The following SV2B variants were observed in gnomAD, a reference collection of about 807,000 sequenced individuals.
The protein encoded by SV2B is synaptic vesicle glycoprotein 2B, also known as solute carrier family 22 member B2.
Under a neutral mutation model 73.9 loss-of-function variants are expected in SV2B, and 41 were observed. The observed-to-expected ratio is 0.56, with a 90% confidence interval of 0.43 to 0.72. The LOEUF is 0.72. Among genes scored for constraint, SV2B ranks in the 30% least tolerant of loss-of-function variants. SV2B has a pLI of 0.00. For synonymous variants in SV2B, 314 were observed against 314.2 expected, an observed-to-expected ratio of 1.00 and a Z score of 0.01; for missense variants, 764 against 857.8, an observed-to-expected ratio of 0.89 and a Z score of 1.37.
At chr15:91,264,860 A>T (rs758673813) in intron 6 of SV2B, among the ~76,000 whole-genome samples, 14 of 152,150 alleles carry the variant, frequency 9.2e-5, no homozygotes, top group African/African-American at 7.2e-5. Context: ...TTATCCCAGC[A>T]TGCGTGCCAG....
Position 91,141,622 on chromosome 15 carries a change from T to G in SV2B, c.-392+41259T>G, listed in dbSNP as rs1419755932. Among the ~76,000 whole-genome samples, 1 of 152,202 alleles carries G rather than the reference T, an allele frequency of 6.6e-6. No individual in the cohort carries two copies. The highest frequency in any genetic ancestry group is 2.4e-5 in the African/African-American group (1 of 41,448). Reference sequence around the variant, plus strand: ...CTCTTGTGAAGATTAAATGACAGAATATAAGTAAAATGCTTAGCCTATTGC... The same window carrying G: ...CTCTTGTGAAGATTAAATGACAGAAGATAAGTAAAATGCTTAGCCTATTGC... On this transcript the variant is annotated intron_variant, in intron 1 of 12. Transcript: ENST00000394232. The surrounding 1 kb of genome is among the most constrained non-coding windows in gnomAD (Gnocchi z 4.6).
intron 1 of SV2B, among the ~76,000 whole-genome samples, chr15:91,191,197 T>C (rs58276564): frequency 0.43 from 65,030 of 150,832 alleles, 17,343 homozygotes; most frequent in African/African-American, 0.75. Flanking sequence ...TCCTGAGTAG[T>C]TGAGATTACA....
chr15:91,163,609 T>G (rs2043804820), intron 1 of SV2B, among the ~76,000 whole-genome samples: 1 of 152,134 alleles, frequency 6.6e-6, no homozygotes, highest in Non-Finnish European at 1.5e-5. Flanking sequence ...TTTGATGGGG[T>G]TGTTTGATTT....
At chr15:91,178,466 G>A (rs961119783) in intron 1 of SV2B, among the ~76,000 whole-genome samples, 1 of 152,074 alleles carries the variant, frequency 6.6e-6, no homozygotes, top group African/African-American at 2.4e-5. Context: ...CAGAAGGAAT[G>A]GTACCAGTTC....
chr15:91,225,608 T>C (rs2028018), intron 1 of SV2B, among the ~76,000 whole-genome samples: 13,925 of 152,224 alleles, frequency 0.091, 1,231 homozygotes, highest in African/African-American at 0.23. Context: ...TATGTATACA[T>C]GTGCCATGCT....
In SV2B at chr15:91,265,364, A is replaced by G. The variant is rs980264157; in HGVS notation, c.1009-1218A>G. 1.3e-5 allele frequency among the ~76,000 whole-genome samples: 2 copies of G among 152,236 alleles called. No individual in the cohort carries two copies. The highest frequency in any genetic ancestry group is 4.8e-5 in the African/African-American group (2 of 41,468). On this transcript the variant is annotated intron_variant, in intron 6 of 12. Coordinates refer to ENST00000394232, the MANE Select transcript of SV2B (RefSeq NM_001323032.3). The surrounding 1 kb of genome is among the most constrained non-coding windows in gnomAD (Gnocchi z 4.2). The stretch of plus-strand genomic sequence containing the variant: ...GGGAACACAGGCCATATTCTAATTT[A>G]GACTGAATCATAGACAATTGTTCTA...
intron 1 of SV2B, 127 bp from the exon 2 acceptor site, chr15:91,225,746 G>C (rs955427669): frequency 2.6e-5 from 4 of 156,514 alleles, no homozygotes; most frequent in African/African-American, 9.6e-5. Flanking sequence ...TTGAATGTCT[G>C]ATAAGATTTC....
chr15:91,247,863 A>C (rs2047303843), intron 2 of SV2B, among the ~76,000 whole-genome samples: 1 of 152,332 alleles, frequency 6.6e-6, no homozygotes, highest in South Asian at 2.1e-4. Flanking sequence ...TTTGGAGCTG[A>C]GGGACAATAA....
At position 91,205,961 on chromosome 15, in the gene SV2B, T is replaced by A. The variant is rs147172123; in HGVS notation, c.-391-19912T>A. ...ACTTTTCCCCTTGGCATGATACATA[T>A]GGGAGGTCCTGAAATTTTAATATCT... is the stretch of plus-strand genomic sequence containing the variant. On this transcript the variant is annotated intron_variant, in intron 1 of 12. Transcript: ENST00000394232. Among the ~76,000 whole-genome samples, 821 of 152,306 alleles carry A rather than the reference T, an allele frequency of 5.4e-3. 11 individuals are homozygous for A. Among genetic ancestry groups the A allele is most frequent in the South Asian group, 0.023 (111 of 4,822 alleles).
intron 1 of SV2B, among the ~76,000 whole-genome samples, chr15:91,142,319 G>A (rs1318588758): frequency 6.6e-6 from 1 of 152,148 alleles, no homozygotes; most frequent in Admixed American, 6.5e-5. Context: ...CATGCTGTCT[G>A]GGTGTCTGCT....
Position 91,240,836 on chromosome 15 carries a change from G to T in SV2B, c.452-10983G>T, listed in dbSNP as rs1461289818. 2.0e-5 allele frequency among the ~76,000 whole-genome samples: 3 copies of T among 152,084 alleles called. No homozygotes were observed. Among genetic ancestry groups the T allele is most frequent in the South Asian group, 4.1e-4 (2 of 4,822 alleles). On this transcript the variant is annotated intron_variant, in intron 2 of 12. Coordinates refer to ENST00000394232, the MANE Select transcript of SV2B (RefSeq NM_001323032.3). This position sits in a 1 kb window ranked among gnomAD's most constrained non-coding sequence, Gnocchi z 4.6. ...CCTTCTCCTCTGAGGATGTTAATTA[G>T]CCCTGCAGCCTCAGATGAGTGCTCT...
In SV2B at chr15:91,265,375, T is replaced by C. The variant is rs1057222860; in HGVS notation, c.1009-1207T>C. Reference sequence around the variant, plus strand: ...CCATATTCTAATTTAGACTGAATCATAGACAATTGTTCTAATGAATCGTAA... The same window carrying C: ...CCATATTCTAATTTAGACTGAATCACAGACAATTGTTCTAATGAATCGTAA... On this transcript the variant is annotated intron_variant, in intron 6 of 12. Transcript: ENST00000394232. The surrounding 1 kb of genome is among the most constrained non-coding windows in gnomAD (Gnocchi z 4.2). Among the ~76,000 whole-genome samples the C allele has an allele frequency of 2.6e-5, 4 of 152,248 alleles. No individual in the cohort carries two copies. The highest frequency in any genetic ancestry group is 9.6e-5 in the African/African-American group (4 of 41,456).
rs1453516293 is a variant in SV2B at position 91,223,836 on chromosome 15, T to G, written c.-391-2037T>G. Among the ~76,000 whole-genome samples the G allele has an allele frequency of 1.3e-5, 2 of 152,222 alleles. No homozygotes were observed. The highest frequency in any genetic ancestry group is 2.9e-5 in the Non-Finnish European group (2 of 68,030). ...TCTTAGTAAGTATTTCTTGCTGGCT[T>G]CTTTGGCACTGTTTCTCAAAGTGCA... is the stretch of plus-strand genomic sequence containing the variant. On this transcript the variant is annotated intron_variant, in intron 1 of 12. Transcript: ENST00000394232. The surrounding 1 kb of genome is among the most constrained non-coding windows in gnomAD (Gnocchi z 4.6).
chr15:91,259,959 T>C (rs1402491668), intron 5 of SV2B, among the ~76,000 whole-genome samples: 1 of 152,196 alleles, frequency 6.6e-6, no homozygotes, highest in Admixed American at 6.5e-5. Flanking sequence ...GGGGACACAA[T>C]TCAACCTGTA....
chr15:91,289,809 T>G lies in SV2B; in HGVS notation c.1868+129T>G. 9.2e-7 allele frequency: 1 copy of G among 1,091,298 alleles called. No individual in the cohort carries two copies. The highest frequency in any genetic ancestry group is 1.6e-5 in the African/African-American group (1 of 62,852). 67.6% of individuals were successfully genotyped at this position (1,091,298 alleles called of 1,614,324 possible). ...TCTGCTGTTCCGTGAAACAAACATC[T>G]TTTATGTTGAGCTTCTCCTGCATGG... On this transcript the variant is annotated intron_variant, in intron 12 of 12. Coordinates refer to ENST00000394232, the MANE Select transcript of SV2B (RefSeq NM_001323032.3). This position sits in a 1 kb window ranked among gnomAD's most constrained non-coding sequence, Gnocchi z 4.9.
intron 1 of SV2B, among the ~76,000 whole-genome samples, chr15:91,126,760 A>C (rs1351699345): frequency 6.6e-6 from 1 of 152,232 alleles, no homozygotes; most frequent in Non-Finnish European, 1.5e-5. Flanking sequence ...AAAAACTTAC[A>C]CAGTCATTTT....
In SV2B at chr15:91,136,513, C is replaced by T. The variant is rs531104741; in HGVS notation, c.-392+36150C>T. Reference sequence around the variant, plus strand: ...TTGTCCCAGGGAGAGAACTGTGCGGCGGAGTAAGGCTCTTGACTCAGCTGT... The same window carrying T: ...TTGTCCCAGGGAGAGAACTGTGCGGTGGAGTAAGGCTCTTGACTCAGCTGT... On this transcript the variant is annotated intron_variant, in intron 1 of 12. Coordinates refer to ENST00000394232, the MANE Select transcript of SV2B (RefSeq NM_001323032.3). This position sits in a 1 kb window ranked among gnomAD's most constrained non-coding sequence, Gnocchi z 5.6. 6.6e-6 allele frequency among the ~76,000 whole-genome samples: 1 copy of T among 152,318 alleles called. No individual in the cohort carries two copies. Among genetic ancestry groups the T allele is most frequent in the African/African-American group, 2.4e-5 (1 of 41,578 alleles).
At chr15:91,263,231 G>GAC (rs144549827) in intron 6 of SV2B, among the ~76,000 whole-genome samples, 55,492 of 147,104 alleles carry the variant, frequency 0.38, 13,912 homozygotes, top group African/African-American at 0.72. Flanking sequence ...CAGACACACA[G>GAC]ACAGAGACAA....
rs1359906025 is a variant in SV2B, at chr15:91,164,260, A to G, written c.-391-61613A>G. 3.3e-5 allele frequency among the ~76,000 whole-genome samples: 5 copies of G among 152,314 alleles called. No individual in the cohort carries two copies. The East Asian group carries it at 7.7e-4, about 24-fold the overall frequency. On this transcript the variant is annotated intron_variant, in intron 1 of 12. Coordinates refer to ENST00000394232, the MANE Select transcript of SV2B (RefSeq NM_001323032.3). The stretch of plus-strand genomic sequence containing the variant: ...ACTGGAAAAAACTACTTTAAAGTTT[A>G]TGTGGAACCAAAAAAGAGCCCGCAT...
Sources: allele counts gnomAD v4.1 joint callset (sites outside exome capture counted in the v4.1 genomes callset), GRCh38; gene constraint gnomAD v4.1.1; non-coding constraint Gnocchi (gnomAD v3.1); transcripts MANE v1.5; gene names NCBI Gene and HGNC (gene_info 2026-07-23, HGNC 2026-07-21).